The following FIP1L1 variants were observed in gnomAD, a reference collection of about 807,000 sequenced individuals.
The protein encoded by FIP1L1 is pre-mRNA 3'-end-processing factor FIP1.
Under a neutral mutation model 84.6 loss-of-function variants are expected in FIP1L1, and 21 were observed. The ratio of observed to expected loss-of-function variants is 0.25; its 90% confidence interval spans 0.18 to 0.36. FIP1L1 has a LOEUF of 0.36. Ranked by LOEUF, FIP1L1 falls within the 10% of genes least tolerant of loss-of-function variation. FIP1L1 has a pLI of 1.00. For synonymous variants in FIP1L1, 263 were observed against 242.3 expected, an observed-to-expected ratio of 1.09 and a Z score of -0.80; for missense variants, 526 against 751.1, an observed-to-expected ratio of 0.70 and a Z score of 3.50.
chr4:53,412,315 T>G (rs1185523859), intron 10 of FIP1L1, among the ~76,000 whole-genome samples: 1 of 152,142 alleles, frequency 6.6e-6, no homozygotes, highest in Non-Finnish European at 1.5e-5. Context: ...GAAAATCTAA[T>G]AGTGAATCAG....
intron 9 of FIP1L1, 143 bp from the exon 10 acceptor site, chr4:53,399,587 C>CTA: frequency 1.7e-6 from 1 of 591,922 alleles, no homozygotes; most frequent in Non-Finnish European, 2.9e-6. Flanking sequence ...CTAAAATAGG[C>CTA]TAATTTTAAT....
intron 4 of FIP1L1, 75 bp downstream of exon 4, chr4:53,382,410 G>A: frequency 7.9e-7 from 1 of 1,258,550 alleles, no homozygotes; most frequent in Admixed American, 1.7e-5. Flanking sequence ...TAGAAAGCAA[G>A]CTGGCATTTT....
chr4:53,437,403 C>T (rs1302942614), intron 13 of FIP1L1, among the ~76,000 whole-genome samples: 1 of 147,792 alleles, frequency 6.8e-6, no homozygotes, highest in African/African-American at 2.5e-5. Context: ...TGTAGGCTCT[C>T]ATAGTCCTTT....
At chr4:53,388,403 G>T (rs1185053773) in intron 5 of FIP1L1, among the ~76,000 whole-genome samples, 1 of 151,416 alleles carries the variant, frequency 6.6e-6, no homozygotes, top group Non-Finnish European at 1.5e-5. Context: ...GCAGTGGCGC[G>T]ATCTCACTGC....
chr4:53,434,832 C>T (rs1046364125), intron 13 of FIP1L1, among the ~76,000 whole-genome samples: 3 of 152,230 alleles, frequency 2.0e-5, no homozygotes, highest in Admixed American at 6.5e-5. Flanking sequence ...CAGGGACCTC[C>T]GGGAATTCCT....
In FIP1L1 at chr4:53,460,828, A is replaced by AACTG. The variant is rs1258799102; in HGVS notation, c.*1382_*1385dup. ...AATGTATTCTTTCTTTAAATATAAA[A>AACTG]ACTGACAAGATAAATATAGTGTTTC... is the stretch of plus-strand genomic sequence containing the variant. On this transcript the variant is annotated 3_prime_UTR_variant, in exon 18 of 18. Coordinates refer to ENST00000337488, the MANE Select transcript of FIP1L1 (RefSeq NM_030917.4). 3.0e-6 allele frequency: 4 copies of AACTG among 1,317,978 alleles called. No individual in the cohort carries two copies. The highest frequency in any genetic ancestry group is 5.0e-5 in the East Asian group (2 of 39,900). The allele number at this position is 1,317,978 out of a possible 1,614,324, so 81.6% of individuals were successfully genotyped here. A position where few individuals can be genotyped will look rare whatever the true frequency, so the allele number is the denominator to read the frequency against.
At chr4:53,381,750 A>ATTC (rs1560481259) in intron 3 of FIP1L1, among the ~76,000 whole-genome samples, 32 of 63,066 alleles carry the variant, frequency 5.1e-4, no homozygotes, top group Non-Finnish European at 4.2e-4. Flanking sequence ...AGGCATTTGC[A>ATTC]TTCTTTTTTT....
intron 16 of FIP1L1, among the ~76,000 whole-genome samples, chr4:53,457,347 C>T (rs943109341): frequency 2.0e-5 from 3 of 151,954 alleles, no homozygotes; most frequent in Admixed American, 2.0e-4. Flanking sequence ...GACATGCCTC[C>T]ACACTCCAAA....
Position 53,408,013 on chromosome 4 carries a change from A to G in FIP1L1, c.816-6602A>G, listed in dbSNP as rs540474208. ...ATTTACATTTAAAGCTAACATTGTTATGTATGAATTTGATCCTGTCATTAT... is the reference window on the plus strand; with the variant it reads ...ATTTACATTTAAAGCTAACATTGTTGTGTATGAATTTGATCCTGTCATTAT... On this transcript the variant is annotated intron_variant, in intron 10 of 17. Coordinates refer to ENST00000337488, the MANE Select transcript of FIP1L1 (RefSeq NM_030917.4). Among the ~76,000 whole-genome samples the G allele has an allele frequency of 3.7e-4, 56 of 152,274 alleles. 1 individual carries two copies. The highest frequency in any genetic ancestry group is 1.3e-4 in the Admixed American group (2 of 15,294).
chr4:53,382,720 A>G (rs1341640678), intron 4 of FIP1L1, among the ~76,000 whole-genome samples: 2 of 152,232 alleles, frequency 1.3e-5, no homozygotes, highest in South Asian at 2.1e-4. Context: ...GCATGCCTGC[A>G]TGCCATTGAT....
At chr4:53,446,063 T>C (rs1289459388) in intron 15 of FIP1L1, among the ~76,000 whole-genome samples, 1 of 152,220 alleles carries the variant, frequency 6.6e-6, no homozygotes, top group African/African-American at 2.4e-5. Flanking sequence ...CATACACTTC[T>C]AGGTATCTCT....
intron 10 of FIP1L1, among the ~76,000 whole-genome samples, chr4:53,407,465 G>A (rs894777511): frequency 6.6e-6 from 1 of 152,066 alleles, no homozygotes; most frequent in Admixed American, 6.6e-5. Context: ...GTGGTGTGGT[G>A]CTGAAAAAAA....
intron 3 of FIP1L1, 130 bp downstream of exon 3, chr4:53,379,394 T>C: frequency 1.2e-6 from 1 of 800,478 alleles, no homozygotes. Flanking sequence ...TTGGAGGACA[T>C]TGAATCCTTT....
chr4:53,446,916 C>T (rs1319474794), intron 15 of FIP1L1, among the ~76,000 whole-genome samples: 1 of 152,104 alleles, frequency 6.6e-6, no homozygotes, highest in African/African-American at 2.4e-5. Context: ...TTCCTGCCCC[C>T]AACTCTTCTC....
Position 53,379,246 on chromosome 4 carries a change from CAGA to C in FIP1L1, c.160_162del (p.Glu54del), listed in dbSNP as rs771009502. The C allele has an allele frequency of 5.0e-6, 8 of 1,600,442 alleles. No individual in the cohort carries two copies. Among genetic ancestry groups the C allele is most frequent in the Non-Finnish European group, 5.9e-6 (7 of 1,176,472 alleles). On this transcript the variant is annotated inframe_deletion, in exon 3 of 18. Transcript: ENST00000337488. ...GTAGATGAAAATGAAGTTGAAAGGC[CAGA>C]AGAAGAAAATGCCAGGTTAGTGAAA...
At chr4:53,448,876 T>C (rs1434932409) in intron 15 of FIP1L1, among the ~76,000 whole-genome samples, 1 of 152,148 alleles carries the variant, frequency 6.6e-6, no homozygotes, top group African/African-American at 2.4e-5. Flanking sequence ...ATTTAGTCCT[T>C]AGGTACCTAA....
intron 9 of FIP1L1, among the ~76,000 whole-genome samples, chr4:53,398,878 C>T (rs1748794526): frequency 6.6e-6 from 1 of 152,154 alleles, no homozygotes; most frequent in South Asian, 2.1e-4. Context: ...AAGGCTGGGC[C>T]TGGTGGCTCA....
intron 10 of FIP1L1, among the ~76,000 whole-genome samples, chr4:53,409,865 G>A (rs1300190281): frequency 1.3e-5 from 2 of 152,234 alleles, no homozygotes; most frequent in Non-Finnish European, 2.9e-5. Flanking sequence ...TAGGGTGGGA[G>A]TGACCCAATT....
At chr4:53,386,827 G>A (rs1329183690) in intron 5 of FIP1L1, among the ~76,000 whole-genome samples, 1 of 152,052 alleles carries the variant, frequency 6.6e-6, no homozygotes, top group East Asian at 1.9e-4. Context: ...TTGTTGTTCT[G>A]TTTTGCTTTG....
Sources: gnomAD v4.1 joint callset for allele counts (sites outside exome capture counted in the v4.1 genomes callset) on GRCh38, gnomAD v4.1.1 for gene constraint, MANE v1.5 for transcripts, NCBI Gene and HGNC (gene_info 2026-07-23, HGNC 2026-07-21) for gene names.